DNM3: variants seen among roughly 807,000 people sequenced by gnomAD.
DNM3 encodes the protein dynamin-3.
A neutral mutation model predicts 101.6 loss-of-function variants in DNM3; 47 were observed. That is an observed-to-expected ratio of 0.46 (90% CI 0.37 to 0.59). The LOEUF is 0.59. Ranked by LOEUF, DNM3 falls within the 20% of genes least tolerant of loss-of-function variation. DNM3 has a pLI of 0.00. For synonymous variants in DNM3, 385 were observed against 387.9 expected (o/e 0.99, Z 0.09); for missense variants, 849 against 1,085.7 (o/e 0.78, Z 3.06).
intron 18 of DNM3, among the ~76,000 whole-genome samples, chr1:172,382,396 G>A (rs534294068): frequency 6.6e-5 from 10 of 152,178 alleles, no homozygotes; most frequent in African/African-American, 1.4e-4. Context: ...AAATGTGTTC[G>A]GTGTGGCAAA....
intron 14 of DNM3, among the ~76,000 whole-genome samples, chr1:172,247,188 T>C (rs2061986625): frequency 6.6e-6 from 1 of 152,098 alleles, no homozygotes; most frequent in Admixed American, 6.6e-5. Context: ...TCTACGCACG[T>C]TTTTGGTGCG....
intron 13 of DNM3, among the ~76,000 whole-genome samples, chr1:172,117,622 C>T (rs540342091): frequency 1.3e-4 from 20 of 152,246 alleles, no homozygotes; most frequent in African/African-American, 4.3e-4. Flanking sequence ...ACCTCTTTTT[C>T]GTCCTAGTCT....
chr1:171,962,981 T>C (rs867543221), intron 2 of DNM3, among the ~76,000 whole-genome samples: 19 of 152,064 alleles, frequency 1.2e-4, no homozygotes, highest in Admixed American at 3.3e-4. Context: ...AGTTCAGCGG[T>C]TTCTTAGGAA....
intron 6 of DNM3, among the ~76,000 whole-genome samples, chr1:172,035,494 T>C (rs377222462): frequency 3.2e-4 from 48 of 152,096 alleles, no homozygotes; most frequent in Middle Eastern, 3.4e-3. Flanking sequence ...GCAAAGAGGG[T>C]GAATTGTCCA....
intron 10 of DNM3, among the ~76,000 whole-genome samples, chr1:172,062,217 G>A (rs1307983771): frequency 1.3e-5 from 2 of 152,060 alleles, no homozygotes; most frequent in East Asian, 3.9e-4. Flanking sequence ...ATGTCTACCA[G>A]AGATAAACTT....
chr1:172,353,374 G>T (rs1006584760), intron 17 of DNM3, among the ~76,000 whole-genome samples: 1 of 152,124 alleles, frequency 6.6e-6, no homozygotes, highest in Non-Finnish European at 1.5e-5. Context: ...ATGAAATTAA[G>T]ATTTGTAGAT....
intron 20 of DNM3, among the ~76,000 whole-genome samples, chr1:172,401,362 C>A (rs1046428260): frequency 6.6e-6 from 1 of 152,114 alleles, no homozygotes. Flanking sequence ...TATTAGGCAC[C>A]ATGCCTATGG....
chr1:172,289,046 A>G (rs942822965), intron 15 of DNM3, among the ~76,000 whole-genome samples: 4 of 152,152 alleles, frequency 2.6e-5, no homozygotes, highest in Non-Finnish European at 5.9e-5. Context: ...TTAAAGCGAT[A>G]TATTGAAAAG....
chr1:172,148,202 T>C (rs185624532), intron 14 of DNM3, among the ~76,000 whole-genome samples: 2 of 152,260 alleles, frequency 1.3e-5, no homozygotes, highest in Admixed American at 6.5e-5. Context: ...CACAGTTTTG[T>C]ACTAAGACGT....
chr1:172,273,084 T>G (rs546177135), intron 15 of DNM3, among the ~76,000 whole-genome samples: 1 of 152,104 alleles, frequency 6.6e-6, no homozygotes, highest in African/African-American at 2.4e-5. Flanking sequence ...AAGTGTTCAA[T>G]TGCAAAAGAC....
intron 13 of DNM3, among the ~76,000 whole-genome samples, chr1:172,106,186 C>G (rs965948344): frequency 5.9e-5 from 9 of 151,934 alleles, no homozygotes; most frequent in Admixed American, 3.3e-4. Flanking sequence ...TTTGGGAGGC[C>G]AAGGCAGGCA....
At chr1:172,237,389 C>G (rs961806081) in intron 14 of DNM3, among the ~76,000 whole-genome samples, 6 of 152,080 alleles carry the variant, frequency 3.9e-5, no homozygotes, top group Non-Finnish European at 8.8e-5. Context: ...GTGCCTGGGC[C>G]TCCCAGGTTC....
intron 14 of DNM3, among the ~76,000 whole-genome samples, chr1:172,152,955 T>C (rs1254552947): frequency 6.6e-6 from 1 of 152,196 alleles, no homozygotes; most frequent in East Asian, 1.9e-4. Flanking sequence ...AAGCCAAGTG[T>C]TTCGGCGCCC....
At chr1:171,978,873 G>C (rs888899606) in intron 2 of DNM3, among the ~76,000 whole-genome samples, 14 of 152,134 alleles carry the variant, frequency 9.2e-5, no homozygotes, top group African/African-American at 3.1e-4. Flanking sequence ...TTAGACATCT[G>C]AGTGGAAATG....
At chr1:172,033,317 T>A in intron 6 of DNM3, 52 bp downstream of exon 6, 1 of 1,479,378 alleles carries the variant, frequency 6.8e-7, no homozygotes, top group South Asian at 1.4e-5. Flanking sequence ...TGTAAGTAGG[T>A]GCTGGAATTC....
At chr1:172,316,878 A>T (rs1021069650) in intron 16 of DNM3, among the ~76,000 whole-genome samples, 8 of 152,236 alleles carry the variant, frequency 5.3e-5, no homozygotes, top group African/African-American at 1.9e-4. Context: ...TCAGCTCTGC[A>T]CCAAGCGGAC....
intron 15 of DNM3, among the ~76,000 whole-genome samples, chr1:172,287,627 C>T (rs1279867995): frequency 6.6e-6 from 1 of 152,000 alleles, no homozygotes; most frequent in African/African-American, 2.4e-5. Flanking sequence ...GATCAAATAT[C>T]AAATCAACTG....
At chr1:172,282,136 C>T (rs1299466919) in intron 15 of DNM3, among the ~76,000 whole-genome samples, 3 of 152,172 alleles carry the variant, frequency 2.0e-5, no homozygotes, top group South Asian at 4.1e-4. Flanking sequence ...TTCCACCAAA[C>T]TCAGGGCAGA....
chr1:172,162,694 T>C (rs2058587448), intron 14 of DNM3, among the ~76,000 whole-genome samples: 1 of 152,052 alleles, frequency 6.6e-6, no homozygotes, highest in Non-Finnish European at 1.5e-5. Context: ...AAACTTTGGC[T>C]TTGTTTTATA....
Sources: allele counts gnomAD v4.1 joint callset (sites outside exome capture counted in the v4.1 genomes callset), GRCh38; gene constraint gnomAD v4.1.1; transcripts MANE v1.5; gene names NCBI Gene and HGNC (gene_info 2026-07-23, HGNC 2026-07-21).